The following RYR3 variants were observed in gnomAD, a reference collection of about 807,000 sequenced individuals.
RYR3 encodes the protein ryanodine receptor 3, also known as brain ryanodine receptor-calcium release channel.
A neutral mutation model predicts 584.3 loss-of-function variants in RYR3; 207 were observed. That is an observed-to-expected ratio of 0.35 (90% CI 0.32 to 0.40). The LOEUF (loss-of-function observed/expected upper bound fraction) is 0.40. Ranked by LOEUF, RYR3 falls within the 10% of genes least tolerant of loss-of-function variation. RYR3 has a pLI of 1.00. For missense variants in RYR3, 5,616 were observed against 6,089.2 expected (o/e 0.92, Z 2.59); for synonymous variants, 2,416 against 2,248.5 (o/e 1.07, Z -2.11).
chr15:33,325,787 TTTTCTCTTTTCA>T (rs1371172513), intron 1 of RYR3, among the ~76,000 whole-genome samples: 3 of 141,994 alleles, frequency 2.1e-5, no homozygotes, highest in Non-Finnish European at 4.6e-5. Context: ...CTTTCTTTTC[TTTTCTCTTTTCA>T]TTTCTTTTCT....
At position 33,384,490 on chromosome 15, in the gene RYR3, A is replaced by G. The variant is rs28391702; in HGVS notation, c.51+73394A>G. On this transcript the variant is annotated intron_variant, in intron 1 of 103. Coordinates refer to ENST00000634891, the MANE Select transcript of RYR3 (RefSeq NM_001036.6). ...ATTATAATATTATATTTTATATTAT[A>G]ATAATTATACTATTATTTTAATTAA... 2.5e-3 allele frequency among the ~76,000 whole-genome samples: 273 copies of G among 107,778 alleles called. 1 individual carries two copies. Among genetic ancestry groups the G allele is most frequent in the African/African-American group, 8.9e-3 (263 of 29,654 alleles). 70.7% of individuals were successfully genotyped at this position (107,778 alleles called of 152,430 possible).
chr15:33,572,450 C>T (rs1354352566), intron 12 of RYR3, among the ~76,000 whole-genome samples: 6 of 151,284 alleles, frequency 4.0e-5, no homozygotes, highest in Admixed American at 6.6e-5. Flanking sequence ...TTGTCTTCTG[C>T]TTGTGCGGGA....
At chr15:33,753,703 G>C (rs1156438484) in intron 57 of RYR3, among the ~76,000 whole-genome samples, 1 of 152,088 alleles carries the variant, frequency 6.6e-6, no homozygotes, top group Non-Finnish European at 1.5e-5. Flanking sequence ...GAAAAAAATA[G>C]CAAGACTTAT....
intron 2 of RYR3, among the ~76,000 whole-genome samples, chr15:33,482,127 T>C (rs1373018669): frequency 6.6e-6 from 1 of 152,166 alleles, no homozygotes; most frequent in African/African-American, 2.4e-5. Context: ...ACTTCAGATC[T>C]GCTGGGGACA....
chr15:33,523,635 T>G (rs1309161782), intron 3 of RYR3, among the ~76,000 whole-genome samples: 1 of 152,008 alleles, frequency 6.6e-6, no homozygotes, highest in Non-Finnish European at 1.5e-5. Flanking sequence ...TCTGCTAGCC[T>G]ATAGCAGTAG....
At chr15:33,436,758 C>A (rs1033252548) in intron 1 of RYR3, among the ~76,000 whole-genome samples, 1 of 152,112 alleles carries the variant, frequency 6.6e-6, no homozygotes, top group African/African-American at 2.4e-5. Context: ...TCTACCTCAG[C>A]CTCCCAAAGT....
chr15:33,534,053 T>TA (rs2055110368), intron 5 of RYR3, among the ~76,000 whole-genome samples: 1 of 152,248 alleles, frequency 6.6e-6, no homozygotes, highest in Non-Finnish European at 1.5e-5. Context: ...ATGTTAATGA[T>TA]ACACTAGTTC....
intron 50 of RYR3, 93 bp from the exon 51 acceptor site, chr15:33,739,739 T>A: frequency 9.2e-7 from 1 of 1,092,048 alleles, no homozygotes; most frequent in Non-Finnish European, 1.3e-6. Flanking sequence ...AATGCGCGTA[T>A]TTTATTTCTG....
intron 1 of RYR3, among the ~76,000 whole-genome samples, chr15:33,459,049 C>T (rs926692513): frequency 6.6e-6 from 1 of 152,212 alleles, no homozygotes; most frequent in Non-Finnish European, 1.5e-5. Flanking sequence ...GTCCTCCATC[C>T]TCACTGGTGT....
At chr15:33,394,267 G>T (rs1223407407) in intron 1 of RYR3, among the ~76,000 whole-genome samples, 1 of 152,162 alleles carries the variant, frequency 6.6e-6, no homozygotes, top group African/African-American at 2.4e-5. Flanking sequence ...TGAGACAGTA[G>T]GGAAGAAAGG....
At chr15:33,646,680 G>C (rs938712433) in intron 29 of RYR3, among the ~76,000 whole-genome samples, 154 bp downstream of exon 29, 1 of 152,202 alleles carries the variant, frequency 6.6e-6, no homozygotes, top group South Asian at 2.1e-4. Flanking sequence ...GTATGTGCAC[G>C]CATGTACATG....
chr15:33,477,295 A>G (rs1454247863), intron 2 of RYR3, among the ~76,000 whole-genome samples: 1 of 152,180 alleles, frequency 6.6e-6, no homozygotes, highest in Non-Finnish European at 1.5e-5. Context: ...TTCAAAAACT[A>G]TTCTTGGTGT....
chr15:33,357,156 T>G (rs1285257553), intron 1 of RYR3, among the ~76,000 whole-genome samples: 2 of 152,146 alleles, frequency 1.3e-5, no homozygotes, highest in Non-Finnish European at 2.9e-5. Flanking sequence ...GTCTAAAAAT[T>G]TTGAAGGAGG....
intron 1 of RYR3, among the ~76,000 whole-genome samples, chr15:33,443,132 G>A (rs1457863778): frequency 2.6e-5 from 4 of 151,978 alleles, no homozygotes; most frequent in East Asian, 1.9e-4. Context: ...TGTGGTGCAC[G>A]TCTGTAATCC....
At chr15:33,391,850 T>C (rs2042018225) in intron 1 of RYR3, among the ~76,000 whole-genome samples, 2 of 152,070 alleles carry the variant, frequency 1.3e-5, no homozygotes. Flanking sequence ...GCTTTTCTTC[T>C]CTCTGCAACA....
chr15:33,586,133 C>T lies in RYR3; in HGVS notation c.1788+17C>T, dbSNP rs368035825. ...AATCACAAGGTAGGTGTGGAAAGAA[C>T]GGTGATTGACTTTGCCTGGTGTTTC... is the stretch of plus-strand genomic sequence containing the variant. On this transcript the variant is annotated intron_variant, in intron 16 of 103. Transcript: ENST00000634891. The T allele has an allele frequency of 1.7e-5, 24 of 1,452,166 alleles. No individual in the cohort carries two copies. Among genetic ancestry groups the T allele is most frequent in the East Asian group, 9.1e-5 (4 of 44,084 alleles). The allele number at this position is 1,452,166 out of a possible 1,614,324, so 90.0% of individuals were successfully genotyped here. A position where few individuals can be genotyped will look rare whatever the true frequency, so the allele number is the denominator to read the frequency against.
intron 1 of RYR3, among the ~76,000 whole-genome samples, chr15:33,342,204 G>T (rs895713675): frequency 3.9e-5 from 6 of 152,214 alleles, no homozygotes; most frequent in African/African-American, 1.4e-4. Flanking sequence ...ACTCCTGCTG[G>T]GATCCTTTGC....
chr15:33,701,262 C>T (rs548838348), intron 42 of RYR3, among the ~76,000 whole-genome samples, 182 bp downstream of exon 42: 56 of 152,274 alleles, frequency 3.7e-4, no homozygotes, highest in African/African-American at 1.3e-3. Flanking sequence ...CAAGGGATCT[C>T]CTGTGAACAC....
At chr15:33,825,577 C>A (rs747443075) in intron 81 of RYR3, 26 bp from the exon 82 acceptor site, 4 of 1,544,696 alleles carry the variant, frequency 2.6e-6, no homozygotes, top group Non-Finnish European at 3.6e-6. Flanking sequence ...TAGCCCTGAA[C>A]CTTGTTTCTT....
Sources: gnomAD v4.1 joint callset for allele counts (sites outside exome capture counted in the v4.1 genomes callset) on GRCh38, gnomAD v4.1.1 for gene constraint, MANE v1.5 for transcripts, NCBI Gene and HGNC (gene_info 2026-07-23, HGNC 2026-07-21) for gene names.